Variants in EDN1 observed in about 807,000 individuals in gnomAD.
EDN1 encodes endothelin 1, also known as endothelin-1.
In EDN1, 11 loss-of-function variants were observed where a neutral mutation model predicts 21.7. The ratio of observed to expected loss-of-function variants is 0.51; its 90% CI spans 0.32 to 0.84. EDN1 has a LOEUF of 0.84. Ranked by LOEUF, EDN1 falls within the 40% of genes least tolerant of loss-of-function variation. The pLI, the probability that EDN1 is intolerant of heterozygous loss-of-function variation, is 0.03. For synonymous variants in EDN1, 85 were observed against 90.6 expected (o/e 0.94, Z 0.35); for missense variants, 244 against 262.3 (o/e 0.93, Z 0.48).
chr6:12,289,073 C>A (rs1434849720), upstream of EDN1, among the ~76,000 whole-genome samples: 2 of 152,148 alleles, frequency 1.3e-5, no homozygotes, highest in Admixed American at 6.5e-5. Context: ...GTTCCATGCA[C>A]CTTTTGCTTT....
chr6:12,280,766 G>A, the EDN1 span, among the ~76,000 whole-genome samples: 116 of 152,152 alleles, frequency 7.6e-4, no homozygotes, highest in African/African-American at 2.6e-3. Flanking sequence ...GGTGTCCTGC[G>A]CCTGTAATCC....
At chr6:12,283,852 T>C in the EDN1 span, among the ~76,000 whole-genome samples, 7 of 152,362 alleles carry the variant, frequency 4.6e-5, no homozygotes, top group Admixed American at 1.3e-4. Context: ...CTTATCCATG[T>C]GCTGTCCTTT....
the EDN1 span, among the ~76,000 whole-genome samples, chr6:12,232,255 A>C: frequency 6.7e-5 from 10 of 148,366 alleles, no homozygotes; most frequent in South Asian, 2.1e-4. Context: ...AAAACATATA[A>C]TTATAATATA....
chr6:12,292,280 C>G, intron 1 of EDN1, 61 bp from the exon 2 acceptor site: 2 of 1,605,000 alleles, frequency 1.2e-6, no homozygotes, highest in Non-Finnish European at 1.7e-6. Context: ...CTACTGTGAT[C>G]CAGCATGTCT....
chr6:12,251,923 A>G, the EDN1 span, among the ~76,000 whole-genome samples: 1 of 152,204 alleles, frequency 6.6e-6, no homozygotes, highest in Non-Finnish European at 1.5e-5. Flanking sequence ...AAACCAGCAC[A>G]GAGAGATGGA....
chr6:12,266,944 T>C, the EDN1 span, among the ~76,000 whole-genome samples: 1 of 152,208 alleles, frequency 6.6e-6, no homozygotes. Flanking sequence ...GTACCATGAA[T>C]CACCTGGATG....
At chr6:12,271,026 G>A in the EDN1 span, among the ~76,000 whole-genome samples, 7 of 152,064 alleles carry the variant, frequency 4.6e-5, no homozygotes, top group South Asian at 2.1e-4. Flanking sequence ...CTCTTTGCAT[G>A]GAATATGAGC....
intron 2 of EDN1, among the ~76,000 whole-genome samples, chr6:12,293,300 C>G (rs9296343): frequency 0.086 from 13,149 of 152,196 alleles, 1,005 homozygotes; most frequent in African/African-American, 0.21. Flanking sequence ...GGTGATACTT[C>G]CAAAGGGAGG....
the EDN1 span, among the ~76,000 whole-genome samples, chr6:12,274,760 A>AGAG: frequency 0.011 from 1,614 of 152,346 alleles, 28 homozygotes; most frequent in African/African-American, 0.038. Context: ...CTGAGATCAG[A>AGAG]GCTAACTGTC....
chr6:12,291,424 G>A (rs1762679488), intron 1 of EDN1, among the ~76,000 whole-genome samples: 1 of 152,252 alleles, frequency 6.6e-6, no homozygotes, highest in Non-Finnish European at 1.5e-5. Flanking sequence ...CAGTGCGTGT[G>A]CATCTGCCCG....
the EDN1 span, among the ~76,000 whole-genome samples, chr6:12,256,022 C>T: frequency 1.3e-5 from 2 of 152,282 alleles, no homozygotes; most frequent in South Asian, 2.1e-4. Context: ...CTGTAACCCA[C>T]TGTAACTCCT....
At chr6:12,273,596 A>G in the EDN1 span, among the ~76,000 whole-genome samples, 2 of 138,904 alleles carry the variant, frequency 1.4e-5, no homozygotes, top group Admixed American at 1.5e-4. Context: ...CTAGAATTGT[A>G]GGCAGGACTT....
At chr6:12,283,945 C>T in the EDN1 span, among the ~76,000 whole-genome samples, 1 of 152,202 alleles carries the variant, frequency 6.6e-6, no homozygotes, top group Non-Finnish European at 1.5e-5. Flanking sequence ...TCTCAAGTTG[C>T]TTTGTACATA....
At chr6:12,291,138 G>A (rs1762669871) in intron 1 of EDN1, among the ~76,000 whole-genome samples, 1 of 152,030 alleles carries the variant, frequency 6.6e-6, no homozygotes, top group African/African-American at 2.4e-5. Context: ...TGAAGCCAAG[G>A]AATTGTATCC....
the EDN1 span, among the ~76,000 whole-genome samples, chr6:12,240,062 T>A: frequency 4.6e-5 from 7 of 152,174 alleles, no homozygotes; most frequent in Non-Finnish European, 4.4e-5. Flanking sequence ...ACATCATCAT[T>A]CTGATTGCTT....
upstream of EDN1, among the ~76,000 whole-genome samples, chr6:12,288,754 G>A (rs1762607555): frequency 2.6e-5 from 4 of 152,194 alleles, no homozygotes; most frequent in Admixed American, 2.6e-4. Flanking sequence ...CGGCTTTGCT[G>A]TTGGGATAAA....
the EDN1 span, among the ~76,000 whole-genome samples, chr6:12,278,970 A>AT: frequency 6.6e-6 from 1 of 152,130 alleles, no homozygotes; most frequent in Non-Finnish European, 1.5e-5. Flanking sequence ...CACTTGGCTT[A>AT]TTTTTTGAAA....
chr6:12,272,765 C>T, the EDN1 span, among the ~76,000 whole-genome samples: 2,553 of 152,238 alleles, frequency 0.017, 43 homozygotes, highest in African/African-American at 0.054. Context: ...CTGCGCCCAG[C>T]TGAGTCATAC....
the EDN1 span, among the ~76,000 whole-genome samples, chr6:12,236,881 T>G: frequency 1.3e-5 from 2 of 151,968 alleles, no homozygotes; most frequent in African/African-American, 4.8e-5. Flanking sequence ...AACGTGCAGG[T>G]TTGTTACATA....
Sources: gnomAD v4.1 joint callset for allele counts (sites outside exome capture counted in the v4.1 genomes callset) on GRCh38, gnomAD v4.1.1 for gene constraint, MANE v1.5 for transcripts, NCBI Gene and HGNC (gene_info 2026-07-23, HGNC 2026-07-21) for gene names.